The following FBLN7 variants were observed in gnomAD, a reference collection of about 807,000 sequenced individuals.
The protein encoded by FBLN7 is fibulin 7, also known as fibulin-7.
Under a neutral mutation model 44.0 loss-of-function variants are expected in FBLN7, and 31 were observed. The ratio of observed to expected loss-of-function variants is 0.70; its 90% CI spans 0.53 to 0.95. FBLN7 has a LOEUF of 0.95. Among genes scored for constraint, FBLN7 ranks in the 40% least tolerant of loss-of-function variants. The probability of loss-of-function intolerance (pLI) is 0.00; values close to 1 mark genes in which losing one functional copy is unlikely to be tolerated. For synonymous variants in FBLN7, 262 were observed against 253.4 expected (o/e 1.03, Z -0.32); for missense variants, 573 against 618.5 (o/e 0.93, Z 0.78).
chr2:112,244,366 C>G, the FBLN7 span, among the ~76,000 whole-genome samples: 1 of 152,000 alleles, frequency 6.6e-6, no homozygotes, highest in Non-Finnish European at 1.5e-5. Flanking sequence ...TCCATGCATC[C>G]CTACATATGG....
At chr2:112,183,598 G>A (rs1036537212) in intron 6 of FBLN7, among the ~76,000 whole-genome samples, 5 of 152,144 alleles carry the variant, frequency 3.3e-5, no homozygotes, top group Admixed American at 1.3e-4. Context: ...CTGGGTCACT[G>A]TCATTTGCCA....
chr2:112,145,154 G>A (rs1189442262), intron 1 of FBLN7, among the ~76,000 whole-genome samples: 1 of 152,124 alleles, frequency 6.6e-6, no homozygotes, highest in East Asian at 1.9e-4. Flanking sequence ...GCATGCAGTG[G>A]TATCTCATTG....
the FBLN7 span, among the ~76,000 whole-genome samples, chr2:112,220,927 C>G: frequency 6.6e-6 from 1 of 152,170 alleles, no homozygotes; most frequent in Non-Finnish European, 1.5e-5. Flanking sequence ...GATGACTATC[C>G]GTCATGAGGA....
intron 3 of FBLN7, among the ~76,000 whole-genome samples, chr2:112,173,518 GA>G (rs1682579499): frequency 6.6e-6 from 1 of 151,936 alleles, no homozygotes; most frequent in African/African-American, 2.4e-5. Flanking sequence ...AGAAATAAAA[GA>G]AAAAAGTCAG....
At chr2:112,220,187 A>G in the FBLN7 span, among the ~76,000 whole-genome samples, 1 of 152,220 alleles carries the variant, frequency 6.6e-6, no homozygotes, top group Non-Finnish European at 1.5e-5. Context: ...TGATCCTGTC[A>G]TAACATTGTT....
the FBLN7 span, chr2:112,212,965 CTTTTTTTTTT>C: frequency 1.2e-5 from 1 of 84,918 alleles, no homozygotes; most frequent in Non-Finnish European, 2.3e-5. Flanking sequence ...AGAAGAAATG[CTTTTTTTTTT>C]TTTTTTTTTT....
At chr2:112,143,342 G>A (rs887985254) in intron 1 of FBLN7, among the ~76,000 whole-genome samples, 1 of 152,124 alleles carries the variant, frequency 6.6e-6, no homozygotes, top group African/African-American at 2.4e-5. Flanking sequence ...CTCTGGGCGG[G>A]CAGGGGATGC....
At chr2:112,212,289 AG>A in the FBLN7 span, 1 of 152,252 alleles carries the variant, frequency 6.6e-6, no homozygotes, top group Admixed American at 6.5e-5. Context: ...ACCTCCTAAC[AG>A]TTAGTCCTAG....
chr2:112,154,403 C>G (rs569221722), intron 1 of FBLN7, among the ~76,000 whole-genome samples: 2 of 152,342 alleles, frequency 1.3e-5, no homozygotes, highest in Admixed American at 6.5e-5. Flanking sequence ...GACATGGCAG[C>G]TTCCTCAGCT....
downstream of FBLN7, among the ~76,000 whole-genome samples, chr2:112,192,210 T>C (rs373640359): frequency 6.6e-5 from 10 of 152,360 alleles, no homozygotes; most frequent in East Asian, 1.2e-3. Flanking sequence ...AATATGCATA[T>C]GTCTTTTTGT....
chr2:112,196,546 C>T, the FBLN7 span, among the ~76,000 whole-genome samples: 1 of 151,888 alleles, frequency 6.6e-6, no homozygotes, highest in East Asian at 1.9e-4. Context: ...GCTGGGATTA[C>T]AGGAGTGAGC....
At chr2:112,230,131 TAAGAA>T in the FBLN7 span, among the ~76,000 whole-genome samples, 1 of 152,156 alleles carries the variant, frequency 6.6e-6, no homozygotes, top group African/African-American at 2.4e-5. Context: ...CCAGTAAGCA[TAAGAA>T]AAGATGCTGC....
the FBLN7 span, among the ~76,000 whole-genome samples, chr2:112,223,223 G>A: frequency 2.0e-5 from 3 of 151,770 alleles, no homozygotes; most frequent in East Asian, 1.9e-4. Flanking sequence ...AAACCTGCAC[G>A]TTGTGCACAT....
intron 1 of FBLN7, among the ~76,000 whole-genome samples, chr2:112,145,807 C>T (rs1403884973): frequency 6.6e-6 from 1 of 152,188 alleles, no homozygotes. Flanking sequence ...CTGATTCACA[C>T]ACTTGCCTTA....
At chr2:112,222,314 A>C in the FBLN7 span, among the ~76,000 whole-genome samples, 1 of 152,010 alleles carries the variant, frequency 6.6e-6, no homozygotes, top group Non-Finnish European at 1.5e-5. Flanking sequence ...CTGCCTGCAG[A>C]GTTCAGGTAG....
chr2:112,215,095 T>C, the FBLN7 span: 9 of 152,230 alleles, frequency 5.9e-5, no homozygotes, highest in East Asian at 1.7e-3. Context: ...ATCAAACTAT[T>C]ATACATGAGG....
At chr2:112,171,896 G>A (rs922759506) in intron 3 of FBLN7, among the ~76,000 whole-genome samples, 5 of 151,912 alleles carry the variant, frequency 3.3e-5, no homozygotes, top group African/African-American at 4.8e-5. Flanking sequence ...ACAGGTGCCC[G>A]CCACCATACC....
intron 1 of FBLN7, among the ~76,000 whole-genome samples, chr2:112,157,554 G>A (rs146685472): frequency 3.3e-5 from 5 of 152,176 alleles, no homozygotes; most frequent in Non-Finnish European, 4.4e-5. Context: ...CCACAAGGCC[G>A]AGGTCCCATC....
At chr2:112,228,544 TA>T in the FBLN7 span, among the ~76,000 whole-genome samples, 1 of 149,044 alleles carries the variant, frequency 6.7e-6, no homozygotes, top group Non-Finnish European at 1.5e-5. Flanking sequence ...CATCTACATG[TA>T]AAAAAAAGTT....
Sources: gnomAD v4.1 joint callset for allele counts (sites outside exome capture counted in the v4.1 genomes callset) on GRCh38, gnomAD v4.1.1 for gene constraint, MANE v1.5 for transcripts, NCBI Gene and HGNC (gene_info 2026-07-23, HGNC 2026-07-21) for gene names.